Variants in ABCB5 observed in about 807,000 individuals in gnomAD.
ABCB5 encodes the protein ATP binding cassette subfamily B member 5, also known as ATP-binding cassette sub-family B member 5.
A neutral mutation model predicts 144.2 loss-of-function variants in ABCB5; 155 were observed. That is an observed-to-expected ratio of 1.08 (90% confidence interval 0.94 to 1.23). ABCB5 has a LOEUF of 1.23. Ranked by LOEUF, ABCB5 falls within the 50% of genes most tolerant of loss-of-function variation. ABCB5 has a pLI of 0.00. For missense variants in ABCB5, 1,830 were observed against 1,520.8 expected, an observed-to-expected ratio of 1.20 and a Z score of -3.38; for synonymous variants, 610 against 528.6, an observed-to-expected ratio of 1.15 and a Z score of -2.11.
At position 20,707,872 on chromosome 7, in the gene ABCB5, C is replaced by T. The variant is rs535065827; in HGVS notation, c.2421+3065C>T. Among the ~76,000 whole-genome samples the T allele has an allele frequency of 7.0e-5, 10 of 143,134 alleles. No homozygotes were observed. In the South Asian group the frequency reaches 1.1e-3, roughly 16 times the overall value. 93.9% of individuals were successfully genotyped at this position (143,134 alleles called of 152,430 possible). A position where few individuals can be genotyped will look rare whatever the true frequency, so the allele number is the denominator to read the frequency against. On this transcript the variant is annotated intron_variant, in intron 20 of 27. Transcript: ENST00000404938. ...AGGCTGGAATGCAGTGGCGCGATCT[C>T]GGCTCACTGCAAGCTCCGCCTCCCA... is the stretch of plus-strand genomic sequence containing the variant.
chr7:20,656,863 C>T (rs73278668), intron 13 of ABCB5, among the ~76,000 whole-genome samples: 11,181 of 150,688 alleles, frequency 0.074, 448 homozygotes, highest in South Asian at 0.14. Context: ...TGTTCATCAG[C>T]AGTTGAATGA....
At chr7:20,746,575 C>T (rs950353378) in intron 26 of ABCB5, among the ~76,000 whole-genome samples, 1 of 152,164 alleles carries the variant, frequency 6.6e-6, no homozygotes, top group Admixed American at 6.5e-5. Context: ...TTCCCTTCCC[C>T]ACTAGAGTGT....
chr7:20,626,199 G>C (rs1383410782), intron 2 of ABCB5, among the ~76,000 whole-genome samples: 2 of 152,180 alleles, frequency 1.3e-5, no homozygotes, highest in African/African-American at 2.4e-5. Flanking sequence ...CAGAGGCTTA[G>C]TTTTGCAAAG....
chr7:20,683,026 C>T (rs954840829), intron 15 of ABCB5, among the ~76,000 whole-genome samples: 1 of 152,204 alleles, frequency 6.6e-6, no homozygotes, highest in East Asian at 1.9e-4. Context: ...GGCTCTTCTA[C>T]AGATAACTGA....
intron 25 of ABCB5, 49 bp downstream of exon 25, chr7:20,743,123 C>A: frequency 3.8e-6 from 6 of 1,582,172 alleles, no homozygotes; most frequent in South Asian, 1.1e-5. Flanking sequence ...CAGTCCTATT[C>A]TTAAACATTC....
At position 20,727,077 on chromosome 7, in the gene ABCB5, T is replaced by G; in HGVS notation, c.2663T>G (p.Val888Gly). 1 of 1,613,650 alleles carries G rather than the reference T, an allele frequency of 6.2e-7. No individual in the cohort carries two copies. Among genetic ancestry groups the G allele is most frequent in the Non-Finnish European group, 8.5e-7 (1 of 1,179,756 alleles). Reference protein sequence around the residue: ...TEALENIRTIVSLTREKAFEQ... With the variant: ...TEALENIRTIGSLTREKAFEQ... Reference sequence around the variant, plus strand: ...GCTTTGGAGAATATACGTACTATAGTGTCATTAACAAGGGAAAAAGCCTTC... The same window carrying G: ...GCTTTGGAGAATATACGTACTATAGGGTCATTAACAAGGGAAAAAGCCTTC... Residue 888 changes from valine to glycine, a missense_variant, in exon 22 of 28, where the codon GTG becomes GGG. Coordinates refer to ENST00000404938, the MANE Select transcript of ABCB5 (RefSeq NM_001163941.2).
At chr7:20,638,985 T>G (rs1784225428) in intron 5 of ABCB5, among the ~76,000 whole-genome samples, 1 of 152,230 alleles carries the variant, frequency 6.6e-6, no homozygotes, top group Non-Finnish European at 1.5e-5. Context: ...CAGCAGTGTC[T>G]GAGGGTTCCA....
chr7:20,681,717 G>C, intron 15 of ABCB5, 51 bp downstream of exon 15: 1 of 1,571,086 alleles, frequency 6.4e-7, no homozygotes, highest in Non-Finnish European at 8.6e-7. Flanking sequence ...ACGTTTCAGA[G>C]ATCATACCAC....
rs796785284 is a variant in ABCB5 at position 20,647,185 on chromosome 7, G to A, written c.982-350G>A. The stretch of plus-strand genomic sequence containing the variant: ...GGGGTCACCCAACAAGGAGGGGAGT[G>A]CAACTCACCATGGGGTTTATACATG... On this transcript the variant is annotated intron_variant, in intron 9 of 27. Coordinates refer to ENST00000404938, the MANE Select transcript of ABCB5 (RefSeq NM_001163941.2). 18 of 653,904 alleles carry A rather than the reference G, an allele frequency of 2.8e-5. No individual in the cohort carries two copies. In the African/African-American group the frequency reaches 3.6e-4, roughly 13 times the overall value. The allele number at this position is 653,904 out of a possible 1,614,324, so 40.5% of individuals were successfully genotyped here. A position where few individuals can be genotyped will look rare whatever the true frequency, so the allele number is the denominator to read the frequency against.
intron 20 of ABCB5, among the ~76,000 whole-genome samples, chr7:20,718,430 G>A (rs941131765): frequency 6.6e-6 from 1 of 152,146 alleles, no homozygotes; most frequent in East Asian, 1.9e-4. Context: ...ACTTAACCAG[G>A]CTACCTTGTC....
chr7:20,667,557 A>G (rs949868223), intron 14 of ABCB5: 1 of 972,778 alleles, frequency 1.0e-6, no homozygotes, highest in African/African-American at 1.8e-5. Context: ...CATACACATT[A>G]ATTTGAGAAC....
At chr7:20,638,970 T>C (rs1784224960) in intron 5 of ABCB5, among the ~76,000 whole-genome samples, 2 of 152,088 alleles carry the variant, frequency 1.3e-5, no homozygotes, top group South Asian at 4.1e-4. Flanking sequence ...CATTTTACTG[T>C]CCACCAGCAG....
intron 13 of ABCB5, among the ~76,000 whole-genome samples, chr7:20,655,433 A>G (rs1211360165): frequency 1.3e-5 from 2 of 152,144 alleles, no homozygotes; most frequent in African/African-American, 4.8e-5. Context: ...AGATAGCACC[A>G]CTGCACTCCA....
intron 20 of ABCB5, among the ~76,000 whole-genome samples, chr7:20,711,776 T>TCC (rs1554287278): frequency 1.7e-4 from 7 of 42,190 alleles, no homozygotes; most frequent in Non-Finnish European, 3.3e-4. Context: ...CTTTCCTTCT[T>TCC]TCTCTTTCTT....
In ABCB5 at chr7:20,756,878, T is replaced by G. The variant is rs1308633698; in HGVS notation, c.*1254T>G. 1.3e-5 allele frequency: 2 copies of G among 152,344 alleles called. No individual in the cohort carries two copies. The highest frequency in any genetic ancestry group is 2.9e-5 in the Non-Finnish European group (2 of 68,034). The allele number at this position is 152,344 out of a possible 1,614,324, so 9.4% of individuals were successfully genotyped here. On this transcript the variant is annotated 3_prime_UTR_variant, in exon 28 of 28. Transcript: ENST00000404938. The stretch of plus-strand genomic sequence containing the variant: ...TATTCTTCAGTGTATTTTCTTCCAT[T>G]TACACATTTAGCTAGCCTCCCTAAA...
intron 16 of ABCB5, among the ~76,000 whole-genome samples, chr7:20,691,237 T>G (rs1211998961): frequency 2.2e-5 from 3 of 133,384 alleles, no homozygotes; most frequent in Non-Finnish European, 1.5e-5. Context: ...CAGGCTAGAG[T>G]GCAATGGCGC....
intron 16 of ABCB5, among the ~76,000 whole-genome samples, chr7:20,691,237 T>C (rs1211998961): frequency 7.5e-6 from 1 of 133,384 alleles, no homozygotes; most frequent in Non-Finnish European, 1.5e-5. Flanking sequence ...CAGGCTAGAG[T>C]GCAATGGCGC....
intron 20 of ABCB5, among the ~76,000 whole-genome samples, chr7:20,711,173 A>T (rs947410023): frequency 2.7e-5 from 4 of 149,696 alleles, no homozygotes; most frequent in African/African-American, 9.9e-5. Context: ...CTTAACAATC[A>T]TCTTTTATTA....
At chr7:20,722,203 G>T (rs1431879949) in intron 20 of ABCB5, among the ~76,000 whole-genome samples, 1 of 152,168 alleles carries the variant, frequency 6.6e-6, no homozygotes, top group African/African-American at 2.4e-5. Flanking sequence ...TTGAAGAGAT[G>T]GCAGGGTGTT....
Sources: gnomAD v4.1 joint callset for allele counts (sites outside exome capture counted in the v4.1 genomes callset) on GRCh38, gnomAD v4.1.1 for gene constraint, MANE v1.5 for transcripts, NCBI Gene and HGNC (gene_info 2026-07-23, HGNC 2026-07-21) for gene names.